Variants in ZNF189 observed in about 807,000 individuals in gnomAD.
ZNF189 encodes the protein zinc finger protein 189.
In ZNF189, 33 loss-of-function variants were observed where a neutral mutation model predicts 53.5. That is an observed-to-expected ratio of 0.62 (90% CI 0.47 to 0.82). The LOEUF (loss-of-function observed/expected upper bound fraction) is 0.82. Ranked by LOEUF, ZNF189 falls within the 40% of genes least tolerant of loss-of-function variation. The probability of loss-of-function intolerance (pLI) is 0.00; values close to 1 mark genes in which losing one functional copy is unlikely to be tolerated. For synonymous variants in ZNF189, 247 were observed against 238.8 expected (o/e 1.03, Z -0.32); for missense variants, 711 against 753.9 (o/e 0.94, Z 0.67).
chr9:101,406,599 A>G (rs544929356), intron 2 of ZNF189, among the ~76,000 whole-genome samples: 4 of 152,306 alleles, frequency 2.6e-5, no homozygotes. Flanking sequence ...TCTTAGGGGA[A>G]TAGGAAAAGG....
rs777701813 is a variant in ZNF189, at chr9:101,398,878, G to A, written c.-279G>A. On this transcript the variant is annotated 5_prime_UTR_variant, in exon 1 of 3. Coordinates refer to ENST00000339664, the MANE Select transcript of ZNF189 (RefSeq NM_003452.4). ...TCATAGCGTTACTTGGCTGCAAGGA[G>A]GAGGAACTGGCAGCGGGGAGGAGGC... 3.4e-6 allele frequency: 2 copies of A among 593,050 alleles called. No homozygotes were observed. The highest frequency in any genetic ancestry group is 6.0e-6 in the Non-Finnish European group (2 of 333,970). 36.7% of individuals were successfully genotyped at this position (593,050 alleles called of 1,614,324 possible).
At chr9:101,400,147 G>C in intron 2 of ZNF189, 137 bp downstream of exon 2, 5 of 1,207,748 alleles carry the variant, frequency 4.1e-6, no homozygotes, top group Non-Finnish European at 5.7e-6. Context: ...GCCATTAATT[G>C]TTTCCATAAC....
chr9:101,405,192 G>T (rs1199270200), intron 2 of ZNF189, among the ~76,000 whole-genome samples: 1 of 152,184 alleles, frequency 6.6e-6, no homozygotes, highest in Non-Finnish European at 1.5e-5. Flanking sequence ...GATCTTAAAG[G>T]TGATGGGGAG....
chr9:101,402,144 G>A (rs188568655), intron 2 of ZNF189, among the ~76,000 whole-genome samples: 12 of 152,120 alleles, frequency 7.9e-5, no homozygotes, highest in Non-Finnish European at 1.0e-4. Context: ...TCGAACTCCC[G>A]ATCTCAGGTG....
chr9:101,398,901 G>GCT lies in ZNF189; in HGVS notation c.-256_-255insCT, dbSNP rs1830419075. ...GAGGAGGAACTGGCAGCGGGGAGGAGGCTCTAGCGAGGCCTGAAAGGCTGC... is the reference window on the plus strand; with the variant it reads ...GAGGAGGAACTGGCAGCGGGGAGGAGCTGCTCTAGCGAGGCCTGAAAGGCTGC... On this transcript the variant is annotated 5_prime_UTR_variant, in exon 1 of 3. Coordinates refer to ENST00000339664, the MANE Select transcript of ZNF189 (RefSeq NM_003452.4). 2 of 599,116 alleles carry GCT rather than the reference G, an allele frequency of 3.3e-6. No individual in the cohort carries two copies. The highest frequency in any genetic ancestry group is 5.9e-6 in the Non-Finnish European group (2 of 337,602). The allele number at this position is 599,116 out of a possible 1,614,324, so 37.1% of individuals were successfully genotyped here. A position where few individuals can be genotyped will look rare whatever the true frequency, so the allele number is the denominator to read the frequency against.
intron 2 of ZNF189, 61 bp from the exon 3 acceptor site, chr9:101,407,868 T>G: frequency 6.9e-7 from 1 of 1,439,262 alleles, no homozygotes; most frequent in Non-Finnish European, 9.2e-7. Flanking sequence ...CCCATCTTAC[T>G]TTGTTTCTCC....
rs368568414 is a variant in ZNF189 at position 101,408,795 on chromosome 9, C to T, written c.1027C>T (p.Pro343Ser). The T allele has an allele frequency of 4.3e-6, 7 of 1,614,002 alleles. No individual in the cohort carries two copies. The highest frequency in any genetic ancestry group is 1.1e-5 in the South Asian group (1 of 91,080). ...CCAAAAAATTCACACTGGCGAGAAG[C>T]CTTTTCTTTGTATTGAGTGTGGAAA... ...QHQKIHTGEKPFLCIECGKSF... is the reference protein window; with the variant it reads ...QHQKIHTGEKSFLCIECGKSF... Residue 343 changes from proline (P) to serine (S), a missense_variant, in exon 3 of 3, where the codon CCT becomes TCT. Pro to Ser is a moderately conservative substitution (Grantham distance 74). Coordinates refer to ENST00000339664, the MANE Select transcript of ZNF189 (RefSeq NM_003452.4).
At chr9:101,406,501 T>G (rs1830714925) in intron 2 of ZNF189, among the ~76,000 whole-genome samples, 1 of 152,204 alleles carries the variant, frequency 6.6e-6, no homozygotes, top group Non-Finnish European at 1.5e-5. Context: ...TTTCATGTTT[T>G]TTCATTATGT....
Position 101,408,313 on chromosome 9 carries a change from G to A in ZNF189, c.545G>A (p.Gly182Glu), listed in dbSNP as rs1830793382. Residue 182 changes from glycine (G) to glutamate (E), a missense_variant, in exon 3 of 3, where the codon GGG becomes GAG. Physicochemically the swap from Gly to Glu is moderately conservative, Grantham distance 98. Coordinates refer to ENST00000339664, the MANE Select transcript of ZNF189 (RefSeq NM_003452.4). ...AAACCTTTTCAGTGCAATGAATGTG[G>A]GAAAAGTTTTAGTCGCAGTTCATTT... ...GEKPFQCNEC[G>E]KSFSRSSFVI... The A allele has an allele frequency of 2.5e-6, 4 of 1,614,072 alleles. No homozygotes were observed. Among genetic ancestry groups the A allele is most frequent in the Non-Finnish European group, 3.4e-6 (4 of 1,180,002 alleles).
At chr9:101,402,429 C>G (rs1830570491) in intron 2 of ZNF189, among the ~76,000 whole-genome samples, 1 of 152,218 alleles carries the variant, frequency 6.6e-6, no homozygotes, top group East Asian at 1.9e-4. Flanking sequence ...ACTTGACACA[C>G]TAACATGTAG....
chr9:101,403,796 T>C (rs1830618691), intron 2 of ZNF189, among the ~76,000 whole-genome samples: 1 of 152,120 alleles, frequency 6.6e-6, no homozygotes. Context: ...TTTAATTACT[T>C]CCCAAAGGCC....
rs375653169 is a variant in ZNF189 at position 101,407,527 on chromosome 9, C to T, written c.161-402C>T. The T allele has an allele frequency of 8.0e-5, 32 of 402,118 alleles. 1 individual carries two copies. The highest frequency in any genetic ancestry group is 5.3e-4 in the African/African-American group (26 of 48,640). The allele number at this position is 402,118 out of a possible 1,614,324, so 24.9% of individuals were successfully genotyped here. A position where few individuals can be genotyped will look rare whatever the true frequency, so the allele number is the denominator to read the frequency against. On this transcript the variant is annotated intron_variant, in intron 2 of 2. Coordinates refer to ENST00000339664, the MANE Select transcript of ZNF189 (RefSeq NM_003452.4). ...ACCTCAGCTACCTGAGTAGCTGGGA[C>T]TACAGGTGTGTACCACCATGTCTGG...
chr9:101,406,604 A>G (rs1327488148), intron 2 of ZNF189, among the ~76,000 whole-genome samples: 2 of 152,204 alleles, frequency 1.3e-5, no homozygotes, highest in Non-Finnish European at 2.9e-5. Context: ...GGGGAATAGG[A>G]AAAGGTTATT....
chr9:101,405,884 G>C (rs1335841233), intron 2 of ZNF189, among the ~76,000 whole-genome samples: 1 of 151,992 alleles, frequency 6.6e-6, no homozygotes, highest in Non-Finnish European at 1.5e-5. Context: ...AGACCAACAT[G>C]GTGCCCCATC....
In ZNF189 at chr9:101,409,679, T is replaced by C; in HGVS notation, c.*30T>C. On this transcript the variant is annotated 3_prime_UTR_variant, in exon 3 of 3. Coordinates refer to ENST00000339664, the MANE Select transcript of ZNF189 (RefSeq NM_003452.4). The stretch of plus-strand genomic sequence containing the variant: ...AGAGCAATACATAAGCTCAATTTGA[T>C]TTGAGACTAGTACCCAAGTGCAGTT... 6.4e-7 allele frequency: 1 copy of C among 1,558,866 alleles called. No individual in the cohort carries two copies. The highest frequency in any genetic ancestry group is 8.6e-7 in the Non-Finnish European group (1 of 1,156,896).
intron 2 of ZNF189, among the ~76,000 whole-genome samples, chr9:101,400,375 GACA>G (rs1830488622): frequency 6.6e-6 from 1 of 152,034 alleles, no homozygotes; most frequent in East Asian, 1.9e-4. Flanking sequence ...CTATCCCAAG[GACA>G]ACGTTTCTCT....
chr9:101,408,546 C>T lies in ZNF189; in HGVS notation c.778C>T (p.His260Tyr), dbSNP rs1046239728. 2 of 1,614,116 alleles carry T rather than the reference C, an allele frequency of 1.2e-6. No individual in the cohort carries two copies. Among genetic ancestry groups the T allele is most frequent in the East Asian group, 4.5e-5 (2 of 44,862 alleles). The change falls in exon 3 of 3, where the codon CAT (histidine) becomes TAT (tyrosine). Residue 260 changes from histidine to tyrosine, a missense_variant. By Grantham distance (83) the His-to-Tyr change is moderately conservative (BLOSUM62 2). Coordinates refer to ENST00000339664, the MANE Select transcript of ZNF189 (RefSeq NM_003452.4). ...AAGGATTCATACAGGTGAGAAACCC[C>T]ATAAATGTAGTGACTGTGGGAAAGC... The part of the protein sequence containing the change: ...HQRIHTGEKP[H>Y]KCSDCGKAFS...
Position 101,398,993 on chromosome 9 carries a change from C to T in ZNF189, c.-164C>T. The T allele has an allele frequency of 1.4e-6, 1 of 714,368 alleles. No homozygotes were observed. The highest frequency in any genetic ancestry group is 2.6e-6 in the Non-Finnish European group (1 of 385,406). The allele number at this position is 714,368 out of a possible 1,614,324, so 44.3% of individuals were successfully genotyped here. The stretch of plus-strand genomic sequence containing the variant: ...ACAGCCAGGGATCGCGTCTGATATG[C>T]TGTTGGGGTCGTGACCGTCTGGGGG... On this transcript the variant is annotated 5_prime_UTR_variant, in exon 1 of 3. Coordinates refer to ENST00000339664, the MANE Select transcript of ZNF189 (RefSeq NM_003452.4).
intron 2 of ZNF189, among the ~76,000 whole-genome samples, chr9:101,400,695 T>C (rs1473819942): frequency 6.6e-6 from 1 of 152,240 alleles, no homozygotes; most frequent in African/African-American, 2.4e-5. Flanking sequence ...TCAGCCTCAG[T>C]GGATCTTCAG....
Sources: gnomAD v4.1 joint callset for allele counts (sites outside exome capture counted in the v4.1 genomes callset) on GRCh38, gnomAD v4.1.1 for gene constraint, MANE v1.5 for transcripts, NCBI Gene and HGNC (gene_info 2026-07-23, HGNC 2026-07-21) for gene names.